Variants in DPP4 observed in about 807,000 individuals in gnomAD.
The protein encoded by DPP4 is dipeptidyl peptidase 4, also known as ADCP-2.
A neutral mutation model predicts 122.4 loss-of-function variants in DPP4; 93 were observed. The ratio of observed to expected loss-of-function variants is 0.76; its 90% CI spans 0.64 to 0.90. The LOEUF (loss-of-function observed/expected upper bound fraction) is 0.90. Ranked by LOEUF, DPP4 falls within the 40% of genes least tolerant of loss-of-function variation. The pLI, the probability that DPP4 is intolerant of heterozygous loss-of-function variation, is 0.00. For missense variants in DPP4, 914 were observed against 907.3 expected, an observed-to-expected ratio of 1.01 and a Z score of -0.09; for synonymous variants, 321 against 302.9, an observed-to-expected ratio of 1.06 and a Z score of -0.62.
At chr2:162,042,096 T>C (rs1007293547) in intron 5 of DPP4, among the ~76,000 whole-genome samples, 3 of 152,180 alleles carry the variant, frequency 2.0e-5, no homozygotes, top group Non-Finnish European at 2.9e-5. Context: ...AATGCAAAGA[T>C]AGGAAAGATC....
intron 20 of DPP4, among the ~76,000 whole-genome samples, chr2:162,010,267 T>C (rs1412466216): frequency 6.6e-6 from 1 of 152,214 alleles, no homozygotes; most frequent in Non-Finnish European, 1.5e-5. Context: ...CTTGAAATCA[T>C]GGCCTGTGCA....
At chr2:162,030,296 G>A (rs969774513) in intron 10 of DPP4, among the ~76,000 whole-genome samples, 1 of 152,186 alleles carries the variant, frequency 6.6e-6, no homozygotes, top group Non-Finnish European at 1.5e-5. Context: ...TTCAAGTTCA[G>A]GCCTTAGTTG....
intron 2 of DPP4, among the ~76,000 whole-genome samples, chr2:162,057,603 C>T (rs144383694): frequency 2.6e-5 from 4 of 152,300 alleles, no homozygotes; most frequent in South Asian, 4.1e-4. Context: ...TCATGCCTCA[C>T]GGAGGTACCA....
intron 2 of DPP4, among the ~76,000 whole-genome samples, chr2:162,071,968 C>T (rs1029823265): frequency 6.6e-6 from 1 of 152,158 alleles, no homozygotes; most frequent in Non-Finnish European, 1.5e-5. Context: ...TGCTGTGATG[C>T]CTCAGTGATG....
chr2:162,046,686 C>T (rs1176266189), intron 4 of DPP4: 3 of 594,654 alleles, frequency 5.0e-6, no homozygotes, highest in Non-Finnish European at 9.5e-6. Context: ...AAGATGGAGC[C>T]CCAAGGAGCA....
In DPP4 at chr2:162,046,953, A is replaced by AT. The variant is rs753830451; in HGVS notation, c.246dup (p.Tyr83IlefsTer14). ...TCCAAGAAAACTGAGCTGTTTCCAT[A>AT]TTCAGCATTGAATACCAAGATATTA... On this transcript the variant is annotated frameshift_variant, in exon 4 of 26. Coordinates refer to ENST00000360534, the MANE Select transcript of DPP4 (RefSeq NM_001935.4). LOFTEE classifies it high-confidence loss of function. 1 of 1,598,418 alleles carries AT rather than the reference A, an allele frequency of 6.3e-7. No homozygotes were observed. The highest frequency in any genetic ancestry group is 8.6e-7 in the Non-Finnish European group (1 of 1,165,948).
intron 12 of DPP4, among the ~76,000 whole-genome samples, chr2:162,021,104 T>C (rs1683109844): frequency 1.3e-5 from 2 of 152,218 alleles, no homozygotes; most frequent in Admixed American, 6.5e-5. Context: ...TTTTATATTG[T>C]TTCAGGTTGG....
Position 162,018,724 on chromosome 2 carries a change from C to G in DPP4, c.1420+5G>C. 1 of 1,613,508 alleles carries G rather than the reference C, an allele frequency of 6.2e-7. No homozygotes were observed. Among genetic ancestry groups the G allele is most frequent in the Non-Finnish European group, 8.5e-7 (1 of 1,179,810 alleles). On this transcript the variant is annotated splice_donor_5th_base_variant and intron_variant, in intron 16 of 25. Coordinates refer to ENST00000360534, the MANE Select transcript of DPP4 (RefSeq NM_001935.4). Reference sequence around the variant, plus strand: ...TGCCCTCCCTCCCAGGGAGCTCAGACTTACCGGAACATCTCAGCTGATAAT... The same window carrying G: ...TGCCCTCCCTCCCAGGGAGCTCAGAGTTACCGGAACATCTCAGCTGATAAT...
At chr2:162,056,612 A>G (rs1684583275) in intron 2 of DPP4, among the ~76,000 whole-genome samples, 1 of 152,202 alleles carries the variant, frequency 6.6e-6, no homozygotes, top group South Asian at 2.1e-4. Flanking sequence ...GGCCAAGCAA[A>G]CTATGGAAGG....
chr2:162,017,501 A>C, intron 16 of DPP4: 8 of 197,084 alleles, frequency 4.1e-5, no homozygotes, highest in Non-Finnish European at 7.2e-5. Context: ...CCCACTCTAA[A>C]TCCGTGATCC....
intron 5 of DPP4, among the ~76,000 whole-genome samples, chr2:162,044,817 C>T (rs16822665): frequency 0.32 from 48,935 of 151,904 alleles, 8,376 homozygotes; most frequent in East Asian, 0.65. Context: ...TTGATGGAAT[C>T]TTTACGATCT....
At chr2:162,060,416 A>C (rs1684721139) in intron 2 of DPP4, among the ~76,000 whole-genome samples, 1 of 152,168 alleles carries the variant, frequency 6.6e-6, no homozygotes, top group African/African-American at 2.4e-5. Context: ...AAGTTTTACC[A>C]TCTCTATTCT....
intron 18 of DPP4, among the ~76,000 whole-genome samples, chr2:162,016,057 T>G (rs1031491997): frequency 6.6e-6 from 1 of 152,226 alleles, no homozygotes; most frequent in African/African-American, 2.4e-5. Context: ...TGCTATACTT[T>G]CCTGTGCTTT....
At chr2:162,012,587 A>G (rs971924814) in intron 19 of DPP4, among the ~76,000 whole-genome samples, 3 of 152,108 alleles carry the variant, frequency 2.0e-5, no homozygotes, top group African/African-American at 4.8e-5. Context: ...GTCATTGGGC[A>G]TTCTATATAC....
At position 162,018,850 on chromosome 2, in the gene DPP4, T is replaced by C; in HGVS notation, c.1299A>G (p.Lys433=). 1.2e-6 allele frequency: 2 copies of C among 1,613,528 alleles called. No individual in the cohort carries two copies. Among genetic ancestry groups the C allele is most frequent in the Non-Finnish European group, 1.7e-6 (2 of 1,179,914 alleles). The change falls in exon 16 of 26, where the codon AAA becomes AAG. Residue 433 remains lysine, a splice_region_variant and synonymous_variant. Transcript: ENST00000360534. The part of the protein sequence containing the change: ...KGMPGGRNLY[K]IQLSDYTKVT... ...CTTTTGTATAGTCACTAAGTTGGATTCTGTAAAACCAACGGTGGAAATTAA... is the reference window on the plus strand; with the variant it reads ...CTTTTGTATAGTCACTAAGTTGGATCCTGTAAAACCAACGGTGGAAATTAA...
intron 9 of DPP4, among the ~76,000 whole-genome samples, chr2:162,034,101 C>T (rs1373850545): frequency 1.3e-5 from 2 of 151,914 alleles, no homozygotes; most frequent in African/African-American, 4.8e-5. Context: ...AGACACCATC[C>T]ACCAGAAAAA....
At chr2:161,995,471 C>T (rs540949938) in intron 23 of DPP4, 99 bp from the exon 24 acceptor site, 3 of 1,053,080 alleles carry the variant, frequency 2.8e-6, no homozygotes, top group East Asian at 2.4e-5. Flanking sequence ...AGCTGGGGCC[C>T]CCTTTGATAC....
chr2:162,034,375 T>A (rs568468294), intron 9 of DPP4, among the ~76,000 whole-genome samples: 8 of 152,158 alleles, frequency 5.3e-5, no homozygotes, highest in South Asian at 2.1e-4. Context: ...CCATATTTAG[T>A]CTCTGATCTT....
At position 162,039,152 on chromosome 2, in the gene DPP4, G is replaced by A; in HGVS notation, c.399C>T (p.Asp133=). 1 of 1,612,860 alleles carries A rather than the reference G, an allele frequency of 6.2e-7. No individual in the cohort carries two copies. Among genetic ancestry groups the A allele is most frequent in the Non-Finnish European group, 8.5e-7 (1 of 1,179,308 alleles). ...CTGACCTTTTATTTAAATCATAAAT[G>A]TCATATGAAGCTGTGTAGGAATGCC... ...QWRHSYTASY[D]IYDLNKRQLI... Residue 133 remains aspartate, a synonymous_variant, in exon 6 of 26, where the codon GAC becomes GAT. Transcript: ENST00000360534.
Sources: gnomAD v4.1 joint callset for allele counts (sites outside exome capture counted in the v4.1 genomes callset) on GRCh38, gnomAD v4.1.1 for gene constraint, MANE v1.5 for transcripts, NCBI Gene and HGNC (gene_info 2026-07-23, HGNC 2026-07-21) for gene names.